Variants in RAPGEF2 observed in about 807,000 individuals in gnomAD.
RAPGEF2 encodes the protein PDZ domain containing guanine nucleotide exchange factor (GEF) 1.
Under a neutral mutation model 186.7 loss-of-function variants are expected in RAPGEF2, and 54 were observed. That is an observed-to-expected ratio of 0.29 (90% CI 0.23 to 0.36). The LOEUF (loss-of-function observed/expected upper bound fraction) is 0.36. Ranked by LOEUF, RAPGEF2 falls within the 10% of genes least tolerant of loss-of-function variation. The pLI, the probability that RAPGEF2 is intolerant of heterozygous loss-of-function variation, is 1.00. For missense variants in RAPGEF2, 1,532 were observed against 2,045.0 expected (o/e 0.75, Z 4.84); for synonymous variants, 712 against 705.9 (o/e 1.01, Z -0.14).
In RAPGEF2 at chr4:159,188,519, C is replaced by T. The variant is rs1362696348; in HGVS notation, c.140+1807C>T. 5.3e-5 allele frequency among the ~76,000 whole-genome samples: 8 copies of T among 151,820 alleles called. No homozygotes were observed. The South Asian group carries it at 1.0e-3, about 20-fold the overall frequency. ...TCTCTACTAAAAATACAAAAATTAG[C>T]GGGGCGTGTTGGCAAACGCTTATAA... On this transcript the variant is annotated intron_variant, in intron 2 of 29. Coordinates refer to ENST00000691494, the MANE Select transcript of RAPGEF2 (RefSeq NM_001394067.2).
rs1766854135 is a variant in RAPGEF2, at chr4:159,332,705, T to A, written c.2135+8T>A. On this transcript the variant is annotated splice_region_variant and intron_variant, in intron 17 of 29. Transcript: ENST00000691494. ...GCCACAGAAACCATACAAGTAAGCA[T>A]CTGCATATGTCTTCTGTGCATTATT... 1.2e-6 allele frequency: 2 copies of A among 1,612,498 alleles called. No homozygotes were observed. The highest frequency in any genetic ancestry group is 1.7e-5 in the Admixed American group (1 of 59,794).
intron 7 of RAPGEF2, among the ~76,000 whole-genome samples, chr4:159,254,518 T>C (rs1755895974): frequency 6.6e-6 from 1 of 151,858 alleles, no homozygotes; most frequent in Non-Finnish European, 1.5e-5. Context: ...CAGTGGAGCG[T>C]TAAGGGAAGG....
intron 7 of RAPGEF2, among the ~76,000 whole-genome samples, chr4:159,283,992 T>TA (rs1212278724): frequency 7.9e-5 from 12 of 152,208 alleles, no homozygotes; most frequent in African/African-American, 2.7e-4. Context: ...AAAGAGGTGT[T>TA]AGCACTGAAA....
chr4:159,125,297 A>C (rs773380483), intron 1 of RAPGEF2, among the ~76,000 whole-genome samples: 4 of 152,220 alleles, frequency 2.6e-5, no homozygotes, highest in African/African-American at 7.2e-5. Flanking sequence ...AGGTATATCA[A>C]CCTTGAAATT....
chr4:159,108,448 C>G (rs115074464), intron 1 of RAPGEF2, among the ~76,000 whole-genome samples: 1 of 126,908 alleles, frequency 7.9e-6, no homozygotes, highest in African/African-American at 2.9e-5. Context: ...CAAGAAGGAA[C>G]ATAAAATAAA....
chr4:159,312,726 A>T (rs1419627936), intron 8 of RAPGEF2, among the ~76,000 whole-genome samples: 2 of 152,206 alleles, frequency 1.3e-5, no homozygotes, highest in Non-Finnish European at 2.9e-5. Context: ...AGGAAATTGT[A>T]CCTAAAGAGC....
intron 5 of RAPGEF2, among the ~76,000 whole-genome samples, chr4:159,239,497 G>A (rs1338634396): frequency 2.0e-5 from 3 of 152,238 alleles, no homozygotes; most frequent in African/African-American, 7.2e-5. Flanking sequence ...TAAACACTCT[G>A]TTGACATCTT....
intron 3 of RAPGEF2, among the ~76,000 whole-genome samples, chr4:159,200,686 T>C (rs1477701634): frequency 1.3e-5 from 2 of 152,144 alleles, no homozygotes; most frequent in Non-Finnish European, 2.9e-5. Context: ...TTTCCTGTTT[T>C]GTTGGTTGCA....
chr4:159,308,275 G>A (rs1456653417), intron 8 of RAPGEF2, among the ~76,000 whole-genome samples: 1 of 152,190 alleles, frequency 6.6e-6, no homozygotes, highest in Non-Finnish European at 1.5e-5. Flanking sequence ...TTTCAAATTT[G>A]ATGACAGGCA....
At chr4:159,113,944 T>C (rs1738771358) in intron 1 of RAPGEF2, among the ~76,000 whole-genome samples, 1 of 150,852 alleles carries the variant, frequency 6.6e-6, no homozygotes, top group Admixed American at 6.6e-5. Context: ...AGAGATAAAA[T>C]AGTAACGTTT....
chr4:159,137,049 GGGTT>G (rs1467267812), intron 1 of RAPGEF2, among the ~76,000 whole-genome samples: 20 of 152,198 alleles, frequency 1.3e-4, no homozygotes, highest in African/African-American at 4.6e-4. Flanking sequence ...AAAGGTGGGG[GGGTT>G]GGTAGTAACT....
chr4:159,265,135 C>T (rs1378715967), intron 7 of RAPGEF2, among the ~76,000 whole-genome samples: 1 of 152,108 alleles, frequency 6.6e-6, no homozygotes, highest in Non-Finnish European at 1.5e-5. Flanking sequence ...TTTCTAGTGC[C>T]CTTTCCCAGT....
At chr4:159,262,938 G>T (rs181310191) in intron 7 of RAPGEF2, among the ~76,000 whole-genome samples, 2 of 151,946 alleles carry the variant, frequency 1.3e-5, no homozygotes, top group African/African-American at 4.8e-5. Flanking sequence ...CAGATTCTTT[G>T]TGTTTCTAAA....
chr4:159,323,092 A>T (rs1402604173), intron 10 of RAPGEF2, among the ~76,000 whole-genome samples: 2 of 152,208 alleles, frequency 1.3e-5, no homozygotes, highest in Admixed American at 6.6e-5. Context: ...CATCTTAAAT[A>T]TTCATAAATT....
intron 1 of RAPGEF2, among the ~76,000 whole-genome samples, chr4:159,134,015 G>C (rs976987897): frequency 2.0e-5 from 3 of 152,166 alleles, no homozygotes; most frequent in African/African-American, 7.2e-5. Context: ...CACCACGCCT[G>C]GCAATTCTGT....
intron 7 of RAPGEF2, among the ~76,000 whole-genome samples, chr4:159,249,898 A>T (rs994666034): frequency 2.6e-5 from 4 of 152,180 alleles, no homozygotes; most frequent in Non-Finnish European, 5.9e-5. Flanking sequence ...AGTAGGGTTA[A>T]GTATATTAGT....
chr4:159,241,560 T>C (rs1478879619), intron 6 of RAPGEF2, among the ~76,000 whole-genome samples, 192 bp downstream of exon 6: 1 of 148,854 alleles, frequency 6.7e-6, no homozygotes, highest in Non-Finnish European at 1.5e-5. Flanking sequence ...AATATGTATA[T>C]ATTATTTAAA....
chr4:159,191,150 T>C (rs779285269), intron 2 of RAPGEF2, among the ~76,000 whole-genome samples: 1 of 151,232 alleles, frequency 6.6e-6, no homozygotes, highest in African/African-American at 2.4e-5. Flanking sequence ...CTGGAGATGA[T>C]AACATTTAGA....
intron 13 of RAPGEF2, 154 bp downstream of exon 13, chr4:159,330,652 A>C: frequency 1.7e-6 from 1 of 576,716 alleles, no homozygotes; most frequent in Non-Finnish European, 2.9e-6. Context: ...AACAAAAAAA[A>C]AGGTGATACA....
Sources: gnomAD v4.1 joint callset for allele counts (sites outside exome capture counted in the v4.1 genomes callset) on GRCh38, gnomAD v4.1.1 for gene constraint, MANE v1.5 for transcripts, NCBI Gene and HGNC (gene_info 2026-07-23, HGNC 2026-07-21) for gene names.